Variants in TRAT1 observed in about 807,000 individuals in gnomAD.
TRAT1 encodes the protein T cell receptor associated transmembrane adaptor 1.
Under a neutral mutation model 20.0 loss-of-function variants are expected in TRAT1, and 20 were observed. The ratio of observed to expected loss-of-function variants is 1.00; its 90% CI spans 0.70 to 1.45. The LOEUF (loss-of-function observed/expected upper bound fraction) is 1.45. Ranked by LOEUF, TRAT1 falls within the 40% of genes most tolerant of loss-of-function variation. The pLI is 0.00. For synonymous variants in TRAT1, 77 were observed against 74.2 expected, an observed-to-expected ratio of 1.04 and a Z score of -0.20; for missense variants, 237 against 224.1, an observed-to-expected ratio of 1.06 and a Z score of -0.37.
At chr3:108,843,039 G>T (rs976856408) in intron 3 of TRAT1, among the ~76,000 whole-genome samples, 1 of 151,350 alleles carries the variant, frequency 6.6e-6, no homozygotes, top group East Asian at 2.0e-4. Context: ...GCCCTCCTGC[G>T]CCAAGTTCAA....
intron 3 of TRAT1, among the ~76,000 whole-genome samples, chr3:108,846,647 G>T (rs1226420921): frequency 6.6e-6 from 1 of 152,160 alleles, no homozygotes; most frequent in Non-Finnish European, 1.5e-5. Flanking sequence ...TTCTAACTCT[G>T]CTATTTGTTA....
intron 3 of TRAT1, chr3:108,839,251 C>A: frequency 2.5e-6 from 1 of 401,802 alleles, no homozygotes. Context: ...GGTAGATAGC[C>A]TAGATTATGA....
intron 1 of TRAT1, among the ~76,000 whole-genome samples, chr3:108,823,885 T>G (rs1034422109): frequency 2.0e-5 from 3 of 152,190 alleles, no homozygotes; most frequent in South Asian, 4.1e-4. Flanking sequence ...TTGTTTGTTT[T>G]TTTTTGAGAC....
intron 2 of TRAT1, among the ~76,000 whole-genome samples, chr3:108,832,167 C>T (rs1945801160): frequency 2.0e-5 from 3 of 152,130 alleles, no homozygotes; most frequent in African/African-American, 7.2e-5. Context: ...TAGCTGAAGC[C>T]ACACATCTAT....
chr3:108,841,582 G>A (rs1035941272), intron 3 of TRAT1, among the ~76,000 whole-genome samples: 1 of 151,976 alleles, frequency 6.6e-6, no homozygotes. Context: ...AACTTCTATC[G>A]CACTGGGTTC....
chr3:108,847,219 A>G (rs993211106), intron 4 of TRAT1, 90 bp downstream of exon 4: 83 of 723,846 alleles, frequency 1.1e-4, no homozygotes, highest in Non-Finnish European at 1.8e-4. Context: ...AAATCAAATC[A>G]CACTTAGCTA....
intron 3 of TRAT1, among the ~76,000 whole-genome samples, chr3:108,842,448 C>A (rs1462640124): frequency 6.6e-6 from 1 of 152,152 alleles, no homozygotes; most frequent in Non-Finnish European, 1.5e-5. Context: ...TCCCTGACAT[C>A]ACAGACTTCC....
chr3:108,845,949 A>G (rs1445493989), intron 3 of TRAT1, among the ~76,000 whole-genome samples: 1 of 152,168 alleles, frequency 6.6e-6, no homozygotes, highest in Non-Finnish European at 1.5e-5. Flanking sequence ...TACTCACGTG[A>G]GGCTGGAAGG....
intron 5 of TRAT1, among the ~76,000 whole-genome samples, chr3:108,851,276 T>C (rs928802578): frequency 6.6e-6 from 1 of 152,216 alleles, no homozygotes; most frequent in Non-Finnish European, 1.5e-5. Flanking sequence ...ATGTGTACAG[T>C]TCAGAAATTG....
Position 108,854,088 on chromosome 3 carries a change from G to T in TRAT1, c.*211G>T. 2.1e-6 allele frequency: 1 copy of T among 470,136 alleles called. No homozygotes were observed. Among genetic ancestry groups the T allele is most frequent in the Admixed American group, 3.5e-5 (1 of 28,294 alleles). 29.1% of individuals were successfully genotyped at this position (470,136 alleles called of 1,614,324 possible). Reference sequence around the variant, plus strand: ...CAGTATTTCAAATAACTTAAAAAATGCTTTACTACTAAAATGTAAAAAATT... The same window carrying T: ...CAGTATTTCAAATAACTTAAAAAATTCTTTACTACTAAAATGTAAAAAATT... On this transcript the variant is annotated 3_prime_UTR_variant, in exon 6 of 6. Coordinates refer to ENST00000295756, the MANE Select transcript of TRAT1 (RefSeq NM_016388.4).
At chr3:108,847,826 G>A (rs1017567018) in intron 4 of TRAT1, among the ~76,000 whole-genome samples, 2 of 152,082 alleles carry the variant, frequency 1.3e-5, no homozygotes, top group Admixed American at 1.3e-4. Flanking sequence ...AGACTTGGGG[G>A]TTAAATGCTG....
chr3:108,830,417 CAA>C (rs1406473854), intron 1 of TRAT1, among the ~76,000 whole-genome samples: 1 of 152,176 alleles, frequency 6.6e-6, no homozygotes, highest in Non-Finnish European at 1.5e-5. Context: ...AATAGCTACA[CAA>C]AAAAGTCGTT....
intron 1 of TRAT1, among the ~76,000 whole-genome samples, chr3:108,829,617 A>ACACACACACACACACACG (rs71103494): frequency 6.6e-6 from 1 of 151,068 alleles, no homozygotes; most frequent in Non-Finnish European, 1.5e-5. Flanking sequence ...ACACACACAC[A>ACACACACACACACACACG]ACGTTTTGGT....
intron 2 of TRAT1, among the ~76,000 whole-genome samples, chr3:108,835,875 A>C (rs1945834531): frequency 1.3e-5 from 2 of 151,618 alleles, no homozygotes; most frequent in Non-Finnish European, 2.9e-5. Flanking sequence ...TTCCCATTCA[A>C]TAGAGTTAGT....
At position 108,853,659 on chromosome 3, in the gene TRAT1, C is replaced by T. The variant is rs997486282; in HGVS notation, c.343C>T (p.His115Tyr). Residue 115 changes from histidine to tyrosine, a missense_variant, in exon 6 of 6, where the codon CAC becomes TAC. His to Tyr is a moderately conservative substitution (Grantham distance 83, BLOSUM62 2). Transcript: ENST00000295756. ...ETQMCYASLDHSVKGKRRKPR... is the reference protein window; with the variant it reads ...ETQMCYASLDYSVKGKRRKPR... ...ACAGATGTGCTACGCCTCACTTGAT[C>T]ACAGCGTTAAGGGGAAGCGTAGAAA... 3.7e-6 allele frequency: 6 copies of T among 1,613,908 alleles called. No homozygotes were observed. In the African/African-American group the frequency reaches 8.0e-5, roughly 22 times the overall value.
At chr3:108,833,990 AT>A (rs1287633796) in intron 2 of TRAT1, among the ~76,000 whole-genome samples, 9 of 152,108 alleles carry the variant, frequency 5.9e-5, no homozygotes, top group Non-Finnish European at 4.4e-5. Flanking sequence ...CACATCTGTT[AT>A]TTTGGTGAAC....
At chr3:108,849,909 T>C (rs1046300164) in intron 5 of TRAT1, among the ~76,000 whole-genome samples, 4 of 152,250 alleles carry the variant, frequency 2.6e-5, no homozygotes, top group Non-Finnish European at 5.9e-5. Flanking sequence ...ATTAGAAATT[T>C]TTAGCCTACA....
At chr3:108,843,461 C>T (rs1180338295) in intron 3 of TRAT1, among the ~76,000 whole-genome samples, 2 of 151,950 alleles carry the variant, frequency 1.3e-5, no homozygotes, top group African/African-American at 2.4e-5. Context: ...ACCCAGGAGG[C>T]GGAGGTTGCA....
chr3:108,854,391 A>G lies in TRAT1; in HGVS notation c.*514A>G, dbSNP rs1467474525. The G allele has an allele frequency of 6.6e-6, 1 of 152,312 alleles. No homozygotes were observed. The allele number at this position is 152,312 out of a possible 1,614,324, so 9.4% of individuals were successfully genotyped here. A position where few individuals can be genotyped will look rare whatever the true frequency, so the allele number is the denominator to read the frequency against. On this transcript the variant is annotated 3_prime_UTR_variant, in exon 6 of 6. Coordinates refer to ENST00000295756, the MANE Select transcript of TRAT1 (RefSeq NM_016388.4). ...AAAATGCATTACTAAGAGAAGTAAT[A>G]TAATTTTCTTACAAAGTATTTTTCC...
Sources: gnomAD v4.1 joint callset for allele counts (sites outside exome capture counted in the v4.1 genomes callset) on GRCh38, gnomAD v4.1.1 for gene constraint, MANE v1.5 for transcripts, NCBI Gene and HGNC (gene_info 2026-07-23, HGNC 2026-07-21) for gene names.